Variants in FAM184A observed in about 807,000 individuals in gnomAD.
FAM184A encodes family with sequence similarity 184 member A, also known as protein FAM184A.
FAM184A carries 99 observed loss-of-function variants against 143.8 expected under a neutral mutation model. The observed-to-expected ratio is 0.69, with a 90% CI of 0.58 to 0.81. The LOEUF (loss-of-function observed/expected upper bound fraction) is 0.81, where lower values mean the gene tolerates loss of function less well. FAM184A is among the 40% of genes least tolerant of loss of function. The probability of loss-of-function intolerance (pLI) is 0.00; values close to 1 mark genes in which losing one functional copy is unlikely to be tolerated. For synonymous variants in FAM184A, 427 were observed against 446.4 expected (o/e 0.96, Z 0.55); for missense variants, 1,217 against 1,310.5 (o/e 0.93, Z 1.10).
intron 4 of FAM184A, among the ~76,000 whole-genome samples, chr6:119,018,532 A>C (rs1785340911): frequency 6.6e-6 from 1 of 152,240 alleles, no homozygotes; most frequent in African/African-American, 2.4e-5. Context: ...GACGGGGCTC[A>C]GAAGTAGGCA....
rs1390059648 is a variant in FAM184A, at chr6:119,078,256, C to T, written c.44G>A (p.Gly15Asp). The T allele has an allele frequency of 3.3e-6, 5 of 1,536,734 alleles. No homozygotes were observed. The African/African-American group carries it at 4.1e-5, about 13-fold the overall frequency. ...CGAGGGCGCGAATTTGGCCGCCGAG[C>T]CGCCGTAATAGTGCTGCTGCCAGCT... is the stretch of plus-strand genomic sequence containing the variant. ...GMSWQQHYYG[G>D]SAAKFAPSPA... is the part of the protein sequence containing the mutation. The change falls in exon 1 of 18, where the codon GGC becomes GAC. Residue 15 changes from glycine to aspartate, a missense_variant. Transcript: ENST00000338891. This position sits in a 1 kb window ranked among gnomAD's most constrained non-coding sequence, Gnocchi z 5.5.
At chr6:119,076,926 CA>C (rs1234267830) in intron 1 of FAM184A, among the ~76,000 whole-genome samples, 1 of 152,056 alleles carries the variant, frequency 6.6e-6, no homozygotes, top group Non-Finnish European at 1.5e-5. Flanking sequence ...TGAGATCAAA[CA>C]AAAGACAAAA....
intron 1 of FAM184A, among the ~76,000 whole-genome samples, chr6:119,070,896 A>G (rs1257705590): frequency 6.9e-6 from 1 of 144,210 alleles, no homozygotes; most frequent in African/African-American, 2.5e-5. Flanking sequence ...TTGAATGCTT[A>G]TGAAGATTTT....
chr6:119,068,047 GTTTTTTT>G (rs148034802), intron 1 of FAM184A, among the ~76,000 whole-genome samples: 2 of 112,282 alleles, frequency 1.8e-5, no homozygotes, highest in African/African-American at 3.3e-5. Flanking sequence ...TTGTGTGTGG[GTTTTTTT>G]TTTTTTTTTT....
chr6:119,014,609 C>T lies in FAM184A; in HGVS notation c.1530+2138G>A, dbSNP rs1785182173. Among the ~76,000 whole-genome samples, 5 of 152,322 alleles carry T rather than the reference C, an allele frequency of 3.3e-5. No homozygotes were observed. In the South Asian group the frequency reaches 1.0e-3, roughly 32 times the overall value. Reference sequence around the variant, plus strand: ...CCTATTAAATTGTCTCATGAAGAGACAGCTCAAGAACAAAAACAGTGTTTC... The same window carrying T: ...CCTATTAAATTGTCTCATGAAGAGATAGCTCAAGAACAAAAACAGTGTTTC... On this transcript the variant is annotated intron_variant, in intron 5 of 17. Coordinates refer to ENST00000338891, the MANE Select transcript of FAM184A (RefSeq NM_024581.6).
intron 1 of FAM184A, among the ~76,000 whole-genome samples, chr6:119,097,878 C>A (rs1370239797): frequency 6.6e-6 from 1 of 152,142 alleles, no homozygotes; most frequent in African/African-American, 2.4e-5. Flanking sequence ...TGTCTTGGAG[C>A]TGGCCATAAA....
intron 1 of FAM184A, among the ~76,000 whole-genome samples, chr6:119,122,234 A>C (rs1052867720): frequency 3.9e-5 from 6 of 152,196 alleles, no homozygotes; most frequent in Non-Finnish European, 7.3e-5. Flanking sequence ...GAGAAGCGGA[A>C]AAAGGCCTCT....
chr6:119,006,786 A>G (rs1016917205), intron 6 of FAM184A, among the ~76,000 whole-genome samples, 178 bp from the exon 7 acceptor site: 1 of 152,196 alleles, frequency 6.6e-6, no homozygotes, highest in African/African-American at 2.4e-5. Flanking sequence ...GTGTTTTGAA[A>G]AGACTTTCAC....
At chr6:119,096,844 G>A (rs1169151775) in intron 1 of FAM184A, among the ~76,000 whole-genome samples, 1 of 151,992 alleles carries the variant, frequency 6.6e-6, no homozygotes, top group African/African-American at 2.4e-5. Context: ...CTTCTCTCAG[G>A]TCCAGGCCTG....
chr6:119,104,905 A>T (rs1582619831), intron 1 of FAM184A, among the ~76,000 whole-genome samples: 1 of 95,122 alleles, frequency 1.1e-5, no homozygotes. Flanking sequence ...TGAAAATAGC[A>T]GTTGATTTCT....
At chr6:119,101,353 T>G (rs1233002871) in intron 1 of FAM184A, among the ~76,000 whole-genome samples, 1 of 151,928 alleles carries the variant, frequency 6.6e-6, no homozygotes, top group African/African-American at 2.4e-5. Context: ...ATTACAGGCG[T>G]GAACCACTGC....
At chr6:119,071,812 A>C (rs1438039345) in intron 1 of FAM184A, among the ~76,000 whole-genome samples, 1 of 151,930 alleles carries the variant, frequency 6.6e-6, no homozygotes, top group African/African-American at 2.4e-5. Context: ...CTATACTTAT[A>C]AAATGAGAGG....
chr6:119,011,344 C>A lies in FAM184A; in HGVS notation c.1618G>T (p.Val540Leu). ...GCTGTATTCAACTTGTCTTCCAGTA[C>A]TTCCTTTAGGTTTTCTAGCTCTTGT... ...LQQELENLKEVLEDKLNTANQ... is the reference protein window; with the variant it reads ...LQQELENLKELLEDKLNTANQ... Residue 540 changes from valine to leucine, a missense_variant, in exon 6 of 18, where the codon GTA becomes TTA. Physicochemically the swap from Val to Leu is conservative, Grantham distance 32. Coordinates refer to ENST00000338891, the MANE Select transcript of FAM184A (RefSeq NM_024581.6). 6.2e-7 allele frequency: 1 copy of A among 1,609,476 alleles called. No homozygotes were observed. The highest frequency in any genetic ancestry group is 8.5e-7 in the Non-Finnish European group (1 of 1,177,944).
chr6:119,116,310 C>T (rs1313323157), intron 1 of FAM184A, among the ~76,000 whole-genome samples: 1 of 151,888 alleles, frequency 6.6e-6, no homozygotes, highest in African/African-American at 2.4e-5. Context: ...ACACTAAGTA[C>T]ACATGATCAT....
chr6:118,995,686 T>A (rs1473649467), intron 9 of FAM184A, among the ~76,000 whole-genome samples: 1 of 152,162 alleles, frequency 6.6e-6, no homozygotes, highest in Admixed American at 6.5e-5. Context: ...CAAGCTAATG[T>A]GTTAGGTTAT....
At chr6:119,044,631 T>A (rs981885661) in intron 1 of FAM184A, among the ~76,000 whole-genome samples, 1 of 151,236 alleles carries the variant, frequency 6.6e-6, no homozygotes, top group Non-Finnish European at 1.5e-5. Flanking sequence ...TTATAAACTA[T>A]CAATGAAGCA....
chr6:119,078,085 T>C lies in FAM184A; in HGVS notation c.159+56A>G, dbSNP rs761763763. ...GCGCACTGCCTCCCGGGGAGACAGG[T>C]GAGTCCGGCGCGGCCCGCACGGGGT... On this transcript the variant is annotated intron_variant, in intron 1 of 17. Coordinates refer to ENST00000338891, the MANE Select transcript of FAM184A (RefSeq NM_024581.6). The surrounding 1 kb of genome is among the most constrained non-coding windows in gnomAD (Gnocchi z 5.5). 1.7e-3 allele frequency: 2,642 copies of C among 1,532,100 alleles called. 5 individuals carry two copies. The highest frequency in any genetic ancestry group is 2.1e-3 in the Non-Finnish European group (2,393 of 1,143,390). 94.9% of individuals were successfully genotyped at this position (1,532,100 alleles called of 1,614,324 possible).
intron 5 of FAM184A, among the ~76,000 whole-genome samples, chr6:119,015,070 A>AAAAAAG (rs1445889606): frequency 2.6e-5 from 4 of 151,974 alleles, no homozygotes; most frequent in Non-Finnish European, 4.4e-5. Context: ...TCTCAAAAAA[A>AAAAAAG]AAAAAGAAAA....
chr6:119,047,388 C>T (rs992683149), intron 1 of FAM184A, among the ~76,000 whole-genome samples: 5 of 152,050 alleles, frequency 3.3e-5, no homozygotes, highest in African/African-American at 1.2e-4. Context: ...GGTATGTACC[C>T]AAAAGAGAGG....
Sources: gnomAD v4.1 joint callset for allele counts (sites outside exome capture counted in the v4.1 genomes callset) on GRCh38, gnomAD v4.1.1 for gene constraint, Gnocchi (gnomAD v3.1) non-coding constraint, MANE v1.5 for transcripts, NCBI Gene and HGNC (gene_info 2026-07-23, HGNC 2026-07-21) for gene names.